Variants in MYO16 observed in about 807,000 individuals in gnomAD.
The protein encoded by MYO16 is myosin XVI.
Under a neutral mutation model 205.3 loss-of-function variants are expected in MYO16, and 94 were observed. The ratio of observed to expected loss-of-function variants is 0.46; its 90% CI spans 0.39 to 0.54. MYO16 has a LOEUF of 0.54. Among genes scored for constraint, MYO16 ranks in the 20% least tolerant of loss-of-function variants. The pLI is 0.00. For synonymous variants in MYO16, 988 were observed against 954.0 expected (o/e 1.04, Z -0.66); for missense variants, 2,315 against 2,387.5 (o/e 0.97, Z 0.63).
chr13:109,045,625 T>C (rs183133193), intron 23 of MYO16, among the ~76,000 whole-genome samples: 16 of 152,334 alleles, frequency 1.1e-4, no homozygotes, highest in Admixed American at 9.2e-4. Flanking sequence ...TTCTGTTTTA[T>C]TTAGGACCTT....
At chr13:108,867,726 A>G (rs1207751531) in intron 12 of MYO16, among the ~76,000 whole-genome samples, 1 of 152,210 alleles carries the variant, frequency 6.6e-6, no homozygotes, top group Non-Finnish European at 1.5e-5. Flanking sequence ...CTGTTCAACT[A>G]ATTTATAAAA....
At chr13:108,737,663 G>A (rs1041382102) in intron 4 of MYO16, among the ~76,000 whole-genome samples, 1 of 152,142 alleles carries the variant, frequency 6.6e-6, no homozygotes, top group African/African-American at 2.4e-5. Context: ...AATGAGTTAG[G>A]GAGGATTCCC....
At chr13:108,675,740 G>A (rs1882175949) in intron 2 of MYO16, among the ~76,000 whole-genome samples, 1 of 152,188 alleles carries the variant, frequency 6.6e-6, no homozygotes, top group South Asian at 2.1e-4. Context: ...AATAGCGTGA[G>A]AGCAGCGATG....
In MYO16 at chr13:108,629,800, G is replaced by A. The variant is rs1159571007; in HGVS notation, c.-45G>A. ...CCTGGGAACGACAGTTGTGACAGAA[G>A]AGAATGCTGGAACCCGTAGCAAGAT... On this transcript the variant is annotated 5_prime_UTR_variant, in exon 1 of 35. Coordinates refer to ENST00000457511, the MANE Select transcript of MYO16 (RefSeq NM_001198950.3). 1.3e-6 allele frequency: 2 copies of A among 1,514,716 alleles called. No individual in the cohort carries two copies. The highest frequency in any genetic ancestry group is 2.0e-5 in the Admixed American group (1 of 50,820). The allele number at this position is 1,514,716 out of a possible 1,614,324, so 93.8% of individuals were successfully genotyped here.
intron 7 of MYO16, 45 bp downstream of exon 7, chr13:108,806,849 TAATG>T: frequency 1.6e-6 from 2 of 1,286,634 alleles, no homozygotes; most frequent in East Asian, 2.8e-5. Flanking sequence ...TTTATATAAT[TAATG>T]AATAATTTCA....
At chr13:108,890,340 A>G (rs1266782622) in intron 14 of MYO16, among the ~76,000 whole-genome samples, 1 of 152,046 alleles carries the variant, frequency 6.6e-6, no homozygotes, top group African/African-American at 2.4e-5. Flanking sequence ...GCTGCTGTGG[A>G]GTCATCTTCT....
chr13:108,649,373 T>C (rs1295557230), intron 1 of MYO16, among the ~76,000 whole-genome samples: 2 of 152,124 alleles, frequency 1.3e-5, no homozygotes, highest in African/African-American at 4.8e-5. Context: ...TCCAGTCCCG[T>C]GGGCAGTTGA....
chr13:108,949,978 G>C (rs1328290051), intron 16 of MYO16, among the ~76,000 whole-genome samples: 1 of 146,632 alleles, frequency 6.8e-6, no homozygotes, highest in Non-Finnish European at 1.5e-5. Context: ...GGCATCCATA[G>C]GCAAAACAAG....
chr13:108,853,731 T>G (rs1878011561), intron 10 of MYO16, among the ~76,000 whole-genome samples: 1 of 151,802 alleles, frequency 6.6e-6, no homozygotes, highest in Admixed American at 6.6e-5. Context: ...GCCTTCCAAG[T>G]AGCTGGGACT....
intron 16 of MYO16, among the ~76,000 whole-genome samples, chr13:108,938,790 A>C (rs1882599087): frequency 6.6e-6 from 1 of 152,198 alleles, no homozygotes; most frequent in Non-Finnish European, 1.5e-5. Flanking sequence ...AGACTGCTGA[A>C]CCAGGTGAAT....
At chr13:109,142,184 T>C (rs924659373) in intron 32 of MYO16, among the ~76,000 whole-genome samples, 6 of 152,230 alleles carry the variant, frequency 3.9e-5, no homozygotes, top group African/African-American at 1.4e-4. Context: ...TGACACGACC[T>C]CAGTGCCAAA....
intron 9 of MYO16, among the ~76,000 whole-genome samples, chr13:108,828,565 T>A (rs923820050): frequency 3.3e-5 from 5 of 152,300 alleles, no homozygotes; most frequent in Middle Eastern, 3.4e-3. Context: ...CCTTTGTTAC[T>A]CATGAGCCCT....
At chr13:108,916,633 A>G (rs2139250284) in intron 16 of MYO16, among the ~76,000 whole-genome samples, 1 of 152,344 alleles carries the variant, frequency 6.6e-6, no homozygotes, top group African/African-American at 2.4e-5. Context: ...TTTAGAACTA[A>G]CAGAGCTTTT....
the MYO16 span, among the ~76,000 whole-genome samples, chr13:108,572,582 T>C: frequency 0.033 from 4,983 of 152,148 alleles, 246 homozygotes; most frequent in African/African-American, 0.11. Flanking sequence ...AGACAGTGCG[T>C]TCTATATTTT....
intron 16 of MYO16, among the ~76,000 whole-genome samples, chr13:108,910,863 G>A (rs1211957648): frequency 6.6e-6 from 1 of 152,082 alleles, no homozygotes; most frequent in South Asian, 2.1e-4. Context: ...ATTCAGTGGC[G>A]GTGGGGGGCG....
chr13:108,588,641 A>T, the MYO16 span, among the ~76,000 whole-genome samples: 1 of 152,122 alleles, frequency 6.6e-6, no homozygotes, highest in Admixed American at 6.6e-5. Flanking sequence ...GTGGGATTGC[A>T]TTTGGGAGTC....
chr13:108,738,265 G>C (rs1884776099), intron 4 of MYO16, among the ~76,000 whole-genome samples: 2 of 151,874 alleles, frequency 1.3e-5, no homozygotes, highest in South Asian at 4.2e-4. Flanking sequence ...TTCTCTTGTG[G>C]GCATTTAGTG....
At chr13:109,153,829 C>T (rs1231161973) in intron 32 of MYO16, among the ~76,000 whole-genome samples, 4 of 152,166 alleles carry the variant, frequency 2.6e-5, no homozygotes, top group Admixed American at 6.5e-5. Flanking sequence ...AGAAGGGAAA[C>T]CCCACCACCG....
chr13:109,074,403 C>T (rs956169626), intron 27 of MYO16, among the ~76,000 whole-genome samples: 1 of 152,164 alleles, frequency 6.6e-6, no homozygotes, highest in Non-Finnish European at 1.5e-5. Flanking sequence ...ACTCTCAGTT[C>T]TGCATGGCTT....
Sources: gnomAD v4.1 joint callset for allele counts (sites outside exome capture counted in the v4.1 genomes callset) on GRCh38, gnomAD v4.1.1 for gene constraint, MANE v1.5 for transcripts, NCBI Gene and HGNC (gene_info 2026-07-23, HGNC 2026-07-21) for gene names.